Variants in CNTN5 observed in about 807,000 individuals in gnomAD.
CNTN5 encodes the protein contactin-5.
In CNTN5, 77 loss-of-function variants were observed where a neutral mutation model predicts 129.1. That is an observed-to-expected ratio of 0.60 (90% CI 0.50 to 0.72). The LOEUF is 0.72. CNTN5 is among the 30% of genes least tolerant of loss of function. The pLI is 0.00. For synonymous variants in CNTN5, 509 were observed against 465.6 expected (o/e 1.09, Z -1.20); for missense variants, 1,478 against 1,328.8 (o/e 1.11, Z -1.75).
At chr11:99,885,046 G>A (rs1196508691) in intron 6 of CNTN5, among the ~76,000 whole-genome samples, 1 of 152,186 alleles carries the variant, frequency 6.6e-6, no homozygotes, top group East Asian at 1.9e-4. Context: ...ACTCTGGGGG[G>A]GTGAGGAGAG....
intron 8 of CNTN5, among the ~76,000 whole-genome samples, chr11:99,991,448 C>A (rs910616201): frequency 6.6e-6 from 1 of 151,644 alleles, no homozygotes; most frequent in East Asian, 1.9e-4. Context: ...GCCTGGGCAA[C>A]AGAGTGAGAC....
intron 6 of CNTN5, among the ~76,000 whole-genome samples, chr11:99,879,211 T>C (rs544051169): frequency 6.6e-6 from 1 of 152,244 alleles, no homozygotes; most frequent in African/African-American, 2.4e-5. Context: ...GTGCTGGGAT[T>C]ACAGGCGTGA....
chr11:99,962,768 C>A (rs1169964280), intron 8 of CNTN5, among the ~76,000 whole-genome samples: 2 of 151,676 alleles, frequency 1.3e-5, no homozygotes, highest in African/African-American at 4.9e-5. Context: ...GTTTACATTC[C>A]CACCAACAGT....
intron 13 of CNTN5, among the ~76,000 whole-genome samples, chr11:100,140,417 C>A (rs1035570675): frequency 2.0e-5 from 3 of 152,056 alleles, no homozygotes; most frequent in African/African-American, 7.2e-5. Flanking sequence ...GATAACTCAT[C>A]ATGGAATTTA....
intron 3 of CNTN5, among the ~76,000 whole-genome samples, chr11:99,800,036 A>G (rs1946065427): frequency 6.6e-6 from 1 of 151,666 alleles, no homozygotes; most frequent in Admixed American, 6.6e-5. Context: ...TTGTTATTCT[A>G]GTTCCTCTAT....
intron 2 of CNTN5, among the ~76,000 whole-genome samples, chr11:99,512,524 C>G (rs1946877416): frequency 1.3e-5 from 2 of 152,104 alleles, no homozygotes; most frequent in Admixed American, 1.3e-4. Context: ...CAGATATTGT[C>G]TTATTTATAA....
intron 8 of CNTN5, among the ~76,000 whole-genome samples, chr11:99,977,349 C>G (rs537756993): frequency 1.3e-5 from 2 of 152,290 alleles, no homozygotes; most frequent in Admixed American, 1.3e-4. Flanking sequence ...AACATCTGCC[C>G]ATTACTCAGT....
At chr11:100,290,155 C>G (rs1351137253) in intron 18 of CNTN5, among the ~76,000 whole-genome samples, 1 of 151,706 alleles carries the variant, frequency 6.6e-6, no homozygotes, top group Non-Finnish European at 1.5e-5. Flanking sequence ...TAGGAAGAAT[C>G]TTTATCGTGA....
At position 99,360,870 on chromosome 11, in the gene CNTN5, G is replaced by T. The variant is rs554927094; in HGVS notation, c.-71+35386G>T. ...GATCTCTAAGTTCTAATTCTTTTTT[G>T]ATTACAAATTTTATCAATTCATTTC... On this transcript the variant is annotated intron_variant, in intron 2 of 24. Coordinates refer to ENST00000524871, the MANE Select transcript of CNTN5 (RefSeq NM_014361.4). Among the ~76,000 whole-genome samples the T allele has an allele frequency of 7.2e-5, 11 of 152,140 alleles. 1 individual carries two copies. The East Asian group carries it at 2.1e-3, about 29-fold the overall frequency.
intron 24 of CNTN5, among the ~76,000 whole-genome samples, chr11:100,351,659 A>T (rs1009255627): frequency 2.2e-5 from 3 of 137,066 alleles, no homozygotes; most frequent in African/African-American, 9.1e-5. Flanking sequence ...AGAGATAGTA[A>T]AAAAAAAAAA....
chr11:100,025,115 A>G (rs544298475), intron 9 of CNTN5, among the ~76,000 whole-genome samples: 1 of 152,214 alleles, frequency 6.6e-6, no homozygotes, highest in East Asian at 1.9e-4. Context: ...GAGGAGGAAA[A>G]TGGTTTTGTG....
intron 3 of CNTN5, among the ~76,000 whole-genome samples, chr11:99,701,313 A>G (rs1001770097): frequency 1.3e-5 from 2 of 151,292 alleles, no homozygotes; most frequent in Admixed American, 1.3e-4. Context: ...GAGTTTGGAG[A>G]AAAGTCCTAG....
intron 1 of CNTN5, among the ~76,000 whole-genome samples, chr11:99,236,272 T>C (rs1404586953): frequency 6.6e-6 from 1 of 152,160 alleles, no homozygotes; most frequent in Non-Finnish European, 1.5e-5. Flanking sequence ...CTTTTCTTCC[T>C]TCCTTATCTC....
chr11:99,769,926 T>G (rs1049796751), intron 3 of CNTN5, among the ~76,000 whole-genome samples: 2 of 152,172 alleles, frequency 1.3e-5, no homozygotes, highest in African/African-American at 4.8e-5. Context: ...CAATGCAGTG[T>G]GATACAGGTT....
chr11:100,033,877 C>A (rs72996829), intron 9 of CNTN5, among the ~76,000 whole-genome samples: 4 of 152,160 alleles, frequency 2.6e-5, no homozygotes, highest in African/African-American at 9.7e-5. Context: ...TTGAAAGTCT[C>A]GGACAAAAGA....
chr11:99,561,870 G>A (rs1157558892), intron 3 of CNTN5, among the ~76,000 whole-genome samples: 4 of 152,060 alleles, frequency 2.6e-5, no homozygotes, highest in Non-Finnish European at 5.9e-5. Context: ...AAATACTAAG[G>A]AAATGTCAGT....
At chr11:99,370,880 A>G (rs1939778865) in intron 2 of CNTN5, among the ~76,000 whole-genome samples, 1 of 152,228 alleles carries the variant, frequency 6.6e-6, no homozygotes. Context: ...ATAAAAGAGT[A>G]GTGCCTGTGG....
At chr11:99,144,939 C>G (rs1421024689) in intron 1 of CNTN5, among the ~76,000 whole-genome samples, 1 of 151,918 alleles carries the variant, frequency 6.6e-6, no homozygotes, top group Non-Finnish European at 1.5e-5. Context: ...GCACTGGAGA[C>G]CTTTTATTCC....
At chr11:99,070,134 T>A (rs936766498) in intron 1 of CNTN5, among the ~76,000 whole-genome samples, 1 of 152,194 alleles carries the variant, frequency 6.6e-6, no homozygotes, top group Non-Finnish European at 1.5e-5. Flanking sequence ...GGCCGTGCTC[T>A]GGGCAGTATC....
Sources: gnomAD v4.1 joint callset for allele counts (sites outside exome capture counted in the v4.1 genomes callset) on GRCh38, gnomAD v4.1.1 for gene constraint, MANE v1.5 for transcripts, NCBI Gene and HGNC (gene_info 2026-07-23, HGNC 2026-07-21) for gene names.